The following ZNF654 variants were observed in gnomAD, a reference collection of about 807,000 sequenced individuals.
ZNF654 encodes the protein melanoma-associated antigen.
In ZNF654, 19 loss-of-function variants were observed where a neutral mutation model predicts 95.3. The ratio of observed to expected loss-of-function variants is 0.20; its 90% confidence interval spans 0.14 to 0.29. The LOEUF is 0.29. ZNF654 is among the 10% of genes least tolerant of loss of function. ZNF654 has a pLI of 1.00. For synonymous variants in ZNF654, 413 were observed against 457.9 expected, an observed-to-expected ratio of 0.90 and a Z score of 1.25; for missense variants, 1,046 against 1,341.0, an observed-to-expected ratio of 0.78 and a Z score of 3.44.
chr3:88,111,216 C>T (rs2107759373), intron 2 of ZNF654, among the ~76,000 whole-genome samples: 2 of 151,980 alleles, frequency 1.3e-5, no homozygotes, highest in South Asian at 4.2e-4. Flanking sequence ...TTTTGTTGGG[C>T]TTGTTTTATA....
chr3:88,082,325 C>G (rs1708120580), intron 1 of ZNF654, among the ~76,000 whole-genome samples: 1 of 152,156 alleles, frequency 6.6e-6, no homozygotes, highest in African/African-American at 2.4e-5. Flanking sequence ...CAGGGTTTCA[C>G]CATGTTGGCT....
chr3:88,088,216 G>T (rs996540016), intron 2 of ZNF654, among the ~76,000 whole-genome samples: 9 of 152,062 alleles, frequency 5.9e-5, no homozygotes, highest in African/African-American at 2.2e-4. Context: ...CATCAGTCAA[G>T]AAACTCCAGA....
chr3:88,117,805 C>A (rs1367512862), intron 3 of ZNF654, among the ~76,000 whole-genome samples: 1 of 151,952 alleles, frequency 6.6e-6, no homozygotes, highest in Non-Finnish European at 1.5e-5. Context: ...GCGGAAATAA[C>A]TACAGGGTGG....
intron 1 of ZNF654, among the ~76,000 whole-genome samples, chr3:88,062,144 A>C (rs1706921436): frequency 6.6e-6 from 1 of 152,186 alleles, no homozygotes; most frequent in Non-Finnish European, 1.5e-5. Flanking sequence ...ATAAATGCTT[A>C]AATAAAACTG....
chr3:88,085,135 G>A (rs373346513), intron 1 of ZNF654, among the ~76,000 whole-genome samples: 4 of 152,206 alleles, frequency 2.6e-5, no homozygotes, highest in South Asian at 2.1e-4. Context: ...AGTAGGAAGT[G>A]ATTAGTGTGA....
intron 2 of ZNF654, among the ~76,000 whole-genome samples, chr3:88,103,003 A>G (rs1184605912): frequency 6.6e-6 from 1 of 151,972 alleles, no homozygotes; most frequent in Non-Finnish European, 1.5e-5. Flanking sequence ...AGTAGTCTCC[A>G]GTGTCTGTTG....
At chr3:88,110,604 G>A (rs367764243) in intron 2 of ZNF654, among the ~76,000 whole-genome samples, 132 of 152,204 alleles carry the variant, frequency 8.7e-4, no homozygotes, top group Non-Finnish European at 1.5e-3. Flanking sequence ...CAGCCTTGCT[G>A]TAGACTGTTA....
At chr3:88,096,645 T>G (rs1704078465) in intron 2 of ZNF654, among the ~76,000 whole-genome samples, 1 of 152,152 alleles carries the variant, frequency 6.6e-6, no homozygotes, top group Admixed American at 6.6e-5. Flanking sequence ...AATCTGCTTT[T>G]TATCTGGTTC....
intron 3 of ZNF654, among the ~76,000 whole-genome samples, chr3:88,120,946 A>C (rs915011314): frequency 6.6e-6 from 1 of 151,932 alleles, no homozygotes; most frequent in Non-Finnish European, 1.5e-5. Flanking sequence ...TTGATAGAAA[A>C]TTTTCTTGTC....
At position 88,139,350 on chromosome 3, in the gene ZNF654, A is replaced by G. The variant is rs767681077; in HGVS notation, c.1681A>G (p.Arg561Gly). The G allele has an allele frequency of 1.2e-6, 2 of 1,610,788 alleles. No homozygotes were observed. Among genetic ancestry groups the G allele is most frequent in the Non-Finnish European group, 8.5e-7 (1 of 1,178,898 alleles). ...NKEFLGGHIV[R>G]HAQAHQKKGS... ...GGAATTTTTAGGTGGTCACATTGTAAGGCATGCCCAGGCTCATCAGAAAAA... is the reference window on the plus strand; with the variant it reads ...GGAATTTTTAGGTGGTCACATTGTAGGGCATGCCCAGGCTCATCAGAAAAA... Residue 561 changes from arginine (R) to glycine (G), a missense_variant, in exon 8 of 9, where the codon AGG (arginine) becomes GGG (glycine). Arg to Gly is a moderately radical substitution (Grantham distance 125). Transcript: ENST00000636215.
At chr3:88,100,098 A>C (rs1186520098) in intron 2 of ZNF654, among the ~76,000 whole-genome samples, 7 of 152,244 alleles carry the variant, frequency 4.6e-5, no homozygotes, top group Middle Eastern at 6.3e-3. Flanking sequence ...TAATATCCAG[A>C]ATCTACAAAG....
intron 1 of ZNF654, among the ~76,000 whole-genome samples, chr3:88,062,470 C>A (rs1706938874): frequency 6.6e-6 from 1 of 152,184 alleles, no homozygotes. Context: ...AGAAAGTACT[C>A]TTTCATTATG....
At chr3:88,077,358 G>T (rs1707865262) in intron 1 of ZNF654, among the ~76,000 whole-genome samples, 1 of 149,406 alleles carries the variant, frequency 6.7e-6, no homozygotes, top group African/African-American at 2.5e-5. Context: ...TTTTGAGACG[G>T]AGTCTCGCTC....
chr3:88,102,458 A>G (rs1171608847), intron 2 of ZNF654, among the ~76,000 whole-genome samples: 1 of 152,106 alleles, frequency 6.6e-6, no homozygotes, highest in Non-Finnish European at 1.5e-5. Context: ...CATACAGTGT[A>G]TTTTTCATTT....
At chr3:88,129,961 A>G (rs2107837894) in intron 6 of ZNF654, 135 bp downstream of exon 6, 1 of 708,866 alleles carries the variant, frequency 1.4e-6, no homozygotes, top group East Asian at 3.0e-5. Flanking sequence ...GCAAGGAACA[A>G]TAGTAGATTC....
At chr3:88,134,929 G>A in intron 6 of ZNF654, 132 bp from the exon 7 acceptor site, 1 of 507,134 alleles carries the variant, frequency 2.0e-6, no homozygotes. Context: ...GAAGTAGTTT[G>A]GGGGTGAACG....
Position 88,141,677 on chromosome 3 carries a change from C to A in ZNF654, c.*25C>A. 1 of 1,496,764 alleles carries A rather than the reference C, an allele frequency of 6.7e-7. No homozygotes were observed. The highest frequency in any genetic ancestry group is 1.3e-5 in the South Asian group (1 of 74,720). The allele number at this position is 1,496,764 out of a possible 1,614,324, so 92.7% of individuals were successfully genotyped here. A position where few individuals can be genotyped will look rare whatever the true frequency, so the allele number is the denominator to read the frequency against. On this transcript the variant is annotated 3_prime_UTR_variant, in exon 9 of 9. Transcript: ENST00000636215. ...ATGAAAACGGTTCAGAAAGATCTGT[C>A]AATCAAGCAGTAGTGTGAAAAAAGC...
At chr3:88,105,413 C>T (rs1156800676) in intron 2 of ZNF654, among the ~76,000 whole-genome samples, 1 of 152,142 alleles carries the variant, frequency 6.6e-6, no homozygotes, top group Non-Finnish European at 1.5e-5. Flanking sequence ...GTAGCATAGT[C>T]AGTCAATTTG....
chr3:88,062,643 C>A (rs4858983), intron 1 of ZNF654, among the ~76,000 whole-genome samples: 119,205 of 152,150 alleles, frequency 0.78, 47,617 homozygotes, highest in South Asian at 0.91. Context: ...AGTTAAGATA[C>A]TTTCTTCTTA....
Sources: allele counts gnomAD v4.1 joint callset (sites outside exome capture counted in the v4.1 genomes callset), GRCh38; gene constraint gnomAD v4.1.1; transcripts MANE v1.5; gene names NCBI Gene and HGNC (gene_info 2026-07-23, HGNC 2026-07-21).